SLC7A1: variants seen among roughly 807,000 people sequenced by gnomAD.
SLC7A1 encodes the protein high affinity cationic amino acid transporter 1.
A neutral mutation model predicts 53.9 loss-of-function variants in SLC7A1; 10 were observed. The ratio of observed to expected loss-of-function variants is 0.19; its 90% CI spans 0.11 to 0.31. The LOEUF (loss-of-function observed/expected upper bound fraction) is 0.31, where lower values mean the gene tolerates loss of function less well. Among genes scored for constraint, SLC7A1 ranks in the 10% least tolerant of loss-of-function variants. The probability of loss-of-function intolerance (pLI) is 1.00; values close to 1 mark genes in which losing one functional copy is unlikely to be tolerated. For synonymous variants in SLC7A1, 342 were observed against 338.7 expected, an observed-to-expected ratio of 1.01 and a Z score of -0.11; for missense variants, 525 against 827.2, an observed-to-expected ratio of 0.63 and a Z score of 4.48.
chr13:29,572,370 G>A (rs1871235274), intron 1 of SLC7A1, among the ~76,000 whole-genome samples: 1 of 152,238 alleles, frequency 6.6e-6, no homozygotes, highest in Non-Finnish European at 1.5e-5. Context: ...ACCTAAAGGG[G>A]CAGGTGCCAG....
At chr13:29,550,608 G>A (rs1870134116) in intron 2 of SLC7A1, among the ~76,000 whole-genome samples, 3 of 152,200 alleles carry the variant, frequency 2.0e-5, no homozygotes, top group South Asian at 4.1e-4. Context: ...AAGAGGCCAG[G>A]ACTCAGTTCT....
intron 2 of SLC7A1, among the ~76,000 whole-genome samples, chr13:29,553,266 G>A (rs148087487): frequency 6.6e-6 from 1 of 152,342 alleles, no homozygotes; most frequent in African/African-American, 2.4e-5. Flanking sequence ...CTTGAGAAGT[G>A]CAAAGACTCC....
intron 1 of SLC7A1, among the ~76,000 whole-genome samples, chr13:29,587,691 G>T (rs1284408525): frequency 6.6e-6 from 1 of 152,148 alleles, no homozygotes; most frequent in East Asian, 1.9e-4. Context: ...ATTTATTAAC[G>T]ATCTCCACCC....
In SLC7A1 at chr13:29,589,775, TG is replaced by T. The variant is rs111307091; in HGVS notation, c.-115+5640del. Among the ~76,000 whole-genome samples the T allele has an allele frequency of 4.6e-3, 707 of 152,240 alleles. 7 individuals carry two copies. Among genetic ancestry groups the T allele is most frequent in the African/African-American group, 0.016 (653 of 41,518 alleles). On this transcript the variant is annotated intron_variant, in intron 1 of 12. Transcript: ENST00000380752. ...AGGCCAGGCCTATCCCGAGACAGGC[TG>T]GAGTCCAGGTACAGGCAGACATCTG...
In SLC7A1 at chr13:29,509,718, A is replaced by C. The variant is rs1333369508; in HGVS notation, c.*4762T>G. 6.6e-6 allele frequency: 1 copy of C among 152,512 alleles called. No homozygotes were observed. The highest frequency in any genetic ancestry group is 2.4e-5 in the African/African-American group (1 of 41,460). The allele number at this position is 152,512 out of a possible 1,614,324, so 9.4% of individuals were successfully genotyped here. ...AAGAAAACTATTAGAAAAATAGAAC[A>C]TCAAACAAGCAAAAAAATATACAAA... On this transcript the variant is annotated 3_prime_UTR_variant, in exon 13 of 13. Transcript: ENST00000380752.
rs1593550657 is a variant in SLC7A1 at position 29,535,799 on chromosome 13, T to C, written c.370+20A>G. 1 of 1,602,614 alleles carries C rather than the reference T, an allele frequency of 6.2e-7. No individual in the cohort carries two copies. Among genetic ancestry groups the C allele is most frequent in the Non-Finnish European group, 8.5e-7 (1 of 1,170,876 alleles). ...CAGAAAAGTGGTAGAGGGCACGAGC[T>C]CCGGACCCCTGGGACCTACCGATGA... is the stretch of plus-strand genomic sequence containing the variant. On this transcript the variant is annotated intron_variant, in intron 3 of 12. Coordinates refer to ENST00000380752, the MANE Select transcript of SLC7A1 (RefSeq NM_003045.5).
At chr13:29,569,612 C>G (rs1871111772) in intron 1 of SLC7A1, among the ~76,000 whole-genome samples, 1 of 152,168 alleles carries the variant, frequency 6.6e-6, no homozygotes, top group South Asian at 2.1e-4. Context: ...AGATTAATCA[C>G]CACTAGCCCA....
intron 2 of SLC7A1, among the ~76,000 whole-genome samples, chr13:29,552,627 T>C (rs1029187626): frequency 6.6e-6 from 1 of 152,180 alleles, no homozygotes; most frequent in Non-Finnish European, 1.5e-5. Flanking sequence ...ACAAACATTA[T>C]CAAGACCGAT....
At chr13:29,592,480 G>A (rs1364150821) in intron 1 of SLC7A1, among the ~76,000 whole-genome samples, 1 of 152,206 alleles carries the variant, frequency 6.6e-6, no homozygotes, top group Admixed American at 6.5e-5. Flanking sequence ...GGAGAAAAAG[G>A]AACACGGCTA....
chr13:29,519,163 A>G (rs1212190056), intron 9 of SLC7A1, among the ~76,000 whole-genome samples: 4 of 152,118 alleles, frequency 2.6e-5, no homozygotes, highest in Non-Finnish European at 5.9e-5. Context: ...TGATCCCAGG[A>G]TCCTGGCCTA....
chr13:29,547,174 G>A (rs1869958020), intron 2 of SLC7A1, among the ~76,000 whole-genome samples: 1 of 152,200 alleles, frequency 6.6e-6, no homozygotes, highest in Admixed American at 6.5e-5. Flanking sequence ...AAAGAGTCAT[G>A]AGTTAAGTGA....
intron 1 of SLC7A1, among the ~76,000 whole-genome samples, chr13:29,584,708 T>C (rs1871802644): frequency 6.6e-6 from 1 of 152,164 alleles, no homozygotes; most frequent in South Asian, 2.1e-4. Flanking sequence ...CTTAAAGACA[T>C]TTATTTTCTA....
chr13:29,528,418 C>T (rs1474751953), intron 5 of SLC7A1, among the ~76,000 whole-genome samples: 3 of 152,178 alleles, frequency 2.0e-5, no homozygotes, highest in Admixed American at 6.5e-5. Flanking sequence ...ACAGACAGAC[C>T]GACCTAGTTC....
chr13:29,532,118 T>G (rs1869190256), intron 4 of SLC7A1, among the ~76,000 whole-genome samples: 1 of 152,204 alleles, frequency 6.6e-6, no homozygotes, highest in African/African-American at 2.4e-5. Flanking sequence ...AAATAAGGCA[T>G]GTCATTTTTA....
chr13:29,544,872 G>C (rs1040515143), intron 2 of SLC7A1, among the ~76,000 whole-genome samples: 3 of 151,152 alleles, frequency 2.0e-5, no homozygotes, highest in East Asian at 3.9e-4. Context: ...CTCATCGGGG[G>C]GGGGGGGCAA....
At chr13:29,522,270 A>T (rs1868662621) in intron 8 of SLC7A1, 47 bp downstream of exon 8, 3 of 1,604,416 alleles carry the variant, frequency 1.9e-6, no homozygotes, top group East Asian at 4.5e-5. Flanking sequence ...GGGAGTAATG[A>T]CTCCATTGTT....
chr13:29,512,521 G>A lies in SLC7A1; in HGVS notation c.*1959C>T, dbSNP rs369101435. ...CACCACTTCACTTTTCTTGGAGACTGTCTATCCCTCGAATTCTCTTTGCCT... is the reference window on the plus strand; with the variant it reads ...CACCACTTCACTTTTCTTGGAGACTATCTATCCCTCGAATTCTCTTTGCCT... On this transcript the variant is annotated 3_prime_UTR_variant, in exon 13 of 13. Coordinates refer to ENST00000380752, the MANE Select transcript of SLC7A1 (RefSeq NM_003045.5). The A allele has an allele frequency of 6.6e-6, 1 of 152,160 alleles. No individual in the cohort carries two copies. The highest frequency in any genetic ancestry group is 2.4e-5 in the African/African-American group (1 of 41,432). 9.4% of individuals were successfully genotyped at this position (152,160 alleles called of 1,614,324 possible). A position where few individuals can be genotyped will look rare whatever the true frequency, so the allele number is the denominator to read the frequency against.
chr13:29,544,934 G>A (rs1362024732), intron 2 of SLC7A1, among the ~76,000 whole-genome samples: 2 of 151,088 alleles, frequency 1.3e-5, no homozygotes, highest in Non-Finnish European at 2.9e-5. Context: ...CCCAGGGCAA[G>A]GGCTGCATCC....
intron 1 of SLC7A1, among the ~76,000 whole-genome samples, chr13:29,554,846 A>G (rs180888912): frequency 6.6e-6 from 1 of 152,338 alleles, no homozygotes; most frequent in East Asian, 1.9e-4. Context: ...TCCCACACTG[A>G]TATTTCATTC....
Sources: allele counts gnomAD v4.1 joint callset (sites outside exome capture counted in the v4.1 genomes callset), GRCh38; gene constraint gnomAD v4.1.1; transcripts MANE v1.5; gene names NCBI Gene and HGNC (gene_info 2026-07-23, HGNC 2026-07-21).